The following PHKB variants were observed in gnomAD, a reference collection of about 807,000 sequenced individuals.
PHKB encodes phosphorylase b kinase regulatory subunit beta.
PHKB carries 122 observed loss-of-function variants against 152.1 expected under a neutral mutation model. The ratio of observed to expected loss-of-function variants is 0.80; its 90% CI spans 0.69 to 0.93. The LOEUF is 0.93. PHKB is among the 40% of genes least tolerant of loss of function. The pLI is 0.00. For synonymous variants in PHKB, 436 were observed against 464.9 expected (o/e 0.94, Z 0.80); for missense variants, 1,304 against 1,328.4 (o/e 0.98, Z 0.29).
chr16:47,666,016 T>C, intron 25 of PHKB: 1 of 1,612,026 alleles, frequency 6.2e-7, no homozygotes, highest in Non-Finnish European at 8.5e-7. Context: ...ACTAATGTTT[T>C]AGTGCAGGGC....
intron 14 of PHKB, among the ~76,000 whole-genome samples, chr16:47,636,589 C>G (rs1435832733): frequency 6.6e-6 from 1 of 152,238 alleles, no homozygotes; most frequent in Non-Finnish European, 1.5e-5. Flanking sequence ...TGTGACTGAG[C>G]CTGGGTGCTG....
At chr16:47,526,351 A>C (rs1970766871) in intron 6 of PHKB, among the ~76,000 whole-genome samples, 2 of 152,206 alleles carry the variant, frequency 1.3e-5, no homozygotes, top group South Asian at 4.2e-4. Context: ...CAGAGTTTGC[A>C]GTGAGCCGAG....
In PHKB at chr16:47,570,546, T is replaced by C. The variant is rs573223321; in HGVS notation, c.711-9749T>C. On this transcript the variant is annotated intron_variant, in intron 7 of 30. Coordinates refer to ENST00000323584, the MANE Select transcript of PHKB (RefSeq NM_000293.3). ...AAGCCTTGCCTTCAGACTCTGAAAT[T>C]CTTTCTTCTACTTGATCCAGTCTGT... is the stretch of plus-strand genomic sequence containing the variant. 9.3e-4 allele frequency among the ~76,000 whole-genome samples: 142 copies of C among 152,232 alleles called. 1 individual carries two copies. Among genetic ancestry groups the C allele is most frequent in the African/African-American group, 3.3e-3 (136 of 41,564 alleles).
chr16:47,591,656 C>T (rs1046320023), intron 10 of PHKB, among the ~76,000 whole-genome samples: 3 of 152,154 alleles, frequency 2.0e-5, no homozygotes, highest in Admixed American at 6.5e-5. Context: ...CTCTTAGCTT[C>T]AGCTATAGCT....
intron 13 of PHKB, among the ~76,000 whole-genome samples, chr16:47,599,269 G>C (rs1216586076): frequency 2.0e-5 from 3 of 152,140 alleles, no homozygotes; most frequent in African/African-American, 7.2e-5. Context: ...CTGTGATTCT[G>C]AGGCTAAAAA....
intron 14 of PHKB, among the ~76,000 whole-genome samples, chr16:47,611,737 C>T (rs964191531): frequency 2.0e-5 from 3 of 152,102 alleles, no homozygotes; most frequent in Non-Finnish European, 2.9e-5. Context: ...CCAACAGCCC[C>T]GTTAGATTCT....
At chr16:47,554,798 G>A (rs549870999) in intron 7 of PHKB, among the ~76,000 whole-genome samples, 1 of 152,260 alleles carries the variant, frequency 6.6e-6, no homozygotes, top group African/African-American at 2.4e-5. Context: ...GCATTTCCTG[G>A]GAGAGGCGAC....
At chr16:47,578,934 GT>G (rs1971795340) in intron 7 of PHKB, among the ~76,000 whole-genome samples, 1 of 151,874 alleles carries the variant, frequency 6.6e-6, no homozygotes, top group Non-Finnish European at 1.5e-5. Context: ...ACAGGCTTTT[GT>G]TGGGGATTTT....
At chr16:47,548,078 A>G (rs538531548) in intron 7 of PHKB, 1 of 158,676 alleles carries the variant, frequency 6.3e-6, no homozygotes, top group East Asian at 1.9e-4. Context: ...AAGCAACAAT[A>G]GCTGATAACT....
intron 22 of PHKB, among the ~76,000 whole-genome samples, chr16:47,661,157 C>A (rs1320212244): frequency 6.6e-6 from 1 of 152,152 alleles, no homozygotes; most frequent in Non-Finnish European, 1.5e-5. Flanking sequence ...CATCTTGTCC[C>A]CTGCCCCAGT....
At chr16:47,663,012 T>A (rs1237344071) in intron 23 of PHKB, among the ~76,000 whole-genome samples, 1 of 152,190 alleles carries the variant, frequency 6.6e-6, no homozygotes, top group Non-Finnish European at 1.5e-5. Context: ...TATAAAACCT[T>A]ATGTGAAACT....
At chr16:47,636,457 G>A (rs990165836) in intron 14 of PHKB, among the ~76,000 whole-genome samples, 4 of 152,174 alleles carry the variant, frequency 2.6e-5, no homozygotes, top group Non-Finnish European at 2.9e-5. Context: ...CTGCCCAGCC[G>A]CAGCTCCAGA....
At chr16:47,685,488 T>C (rs1973948760) in intron 26 of PHKB, among the ~76,000 whole-genome samples, 1 of 152,204 alleles carries the variant, frequency 6.6e-6, no homozygotes, top group African/African-American at 2.4e-5. Context: ...GGCCTTGTCA[T>C]TGGGAATGAG....
chr16:47,513,454 C>T lies in PHKB; in HGVS notation c.513+1682C>T, dbSNP rs1350457054. Among the ~76,000 whole-genome samples, 10 of 152,320 alleles carry T rather than the reference C, an allele frequency of 6.6e-5. No homozygotes were observed. In the East Asian group the frequency reaches 1.9e-3, roughly 29 times the overall value. On this transcript the variant is annotated intron_variant, in intron 5 of 30. Transcript: ENST00000323584. ...GTCTAAAAAACCTAAAAGATGCAGACTACTGCATCTTCCTGTGTGGCCCAC... is the reference window on the plus strand; with the variant it reads ...GTCTAAAAAACCTAAAAGATGCAGATTACTGCATCTTCCTGTGTGGCCCAC...
intron 1 of PHKB, chr16:47,462,966 C>T (rs1969600177): frequency 6.6e-6 from 1 of 152,496 alleles, no homozygotes; most frequent in South Asian, 2.1e-4. Flanking sequence ...TTGTTTCACA[C>T]TTTTTCTTAA....
At chr16:47,670,743 G>C (rs1381956505) in intron 26 of PHKB, among the ~76,000 whole-genome samples, 5 of 152,134 alleles carry the variant, frequency 3.3e-5, no homozygotes, top group African/African-American at 1.2e-4. Context: ...GCCTGCCTCA[G>C]CCTCCCAAAG....
At chr16:47,507,458 C>G (rs1323029912) in intron 4 of PHKB, among the ~76,000 whole-genome samples, 5 of 152,076 alleles carry the variant, frequency 3.3e-5, no homozygotes, top group African/African-American at 1.2e-4. Context: ...CCTTATTAAC[C>G]AGTCATCACA....
At chr16:47,663,937 CT>C (rs1233928927) in intron 24 of PHKB, 1 of 615,216 alleles carries the variant, frequency 1.6e-6, no homozygotes. Flanking sequence ...AACAAAGACA[CT>C]GTAGGGATTG....
At chr16:47,502,506 A>C (rs550228472) in intron 3 of PHKB, among the ~76,000 whole-genome samples, 1 of 152,344 alleles carries the variant, frequency 6.6e-6, no homozygotes, top group East Asian at 1.9e-4. Flanking sequence ...ATCCTTGACT[A>C]TGACTAAATG....
Sources: gnomAD v4.1 joint callset for allele counts (sites outside exome capture counted in the v4.1 genomes callset) on GRCh38, gnomAD v4.1.1 for gene constraint, MANE v1.5 for transcripts, NCBI Gene and HGNC (gene_info 2026-07-23, HGNC 2026-07-21) for gene names.